The following COP1 variants were observed in gnomAD, a reference collection of about 807,000 sequenced individuals.
The protein encoded by COP1 is COP1 E3 ubiquitin ligase, also known as E3 ubiquitin-protein ligase COP1.
A neutral mutation model predicts 101.3 loss-of-function variants in COP1; 24 were observed. The observed-to-expected ratio is 0.24, with a 90% CI of 0.17 to 0.33. COP1 has a LOEUF of 0.33. COP1 is among the 10% of genes least tolerant of loss of function. The probability of loss-of-function intolerance (pLI) is 1.00; values close to 1 mark genes in which losing one functional copy is unlikely to be tolerated. For missense variants in COP1, 663 were observed against 906.2 expected (o/e 0.73, Z 3.45); for synonymous variants, 347 against 341.9 (o/e 1.01, Z -0.17).
chr1:176,121,271 C>T (rs1195120971), intron 8 of COP1, among the ~76,000 whole-genome samples: 1 of 151,758 alleles, frequency 6.6e-6, no homozygotes, highest in Non-Finnish European at 1.5e-5. Context: ...TAGTAAATCC[C>T]ATTTATTGAG....
intron 9 of COP1, among the ~76,000 whole-genome samples, chr1:176,111,895 T>C (rs775580490): frequency 1.5e-4 from 23 of 152,188 alleles, no homozygotes; most frequent in African/African-American, 5.3e-4. Flanking sequence ...GTCAGCTCCA[T>C]CTCAACACTA....
chr1:176,069,496 C>T (rs569433223), intron 11 of COP1, among the ~76,000 whole-genome samples: 1 of 152,274 alleles, frequency 6.6e-6, no homozygotes, highest in African/African-American at 2.4e-5. Flanking sequence ...ATCCTCCAAT[C>T]GAGTATTCCT....
intron 15 of COP1, among the ~76,000 whole-genome samples, chr1:176,021,265 G>C (rs1246328855): frequency 6.6e-6 from 1 of 152,040 alleles, no homozygotes; most frequent in African/African-American, 2.4e-5. Context: ...TTGGTTTTTA[G>C]AAATATAAAA....
At chr1:175,984,732 G>T (rs1408799469) in intron 18 of COP1, among the ~76,000 whole-genome samples, 1 of 152,232 alleles carries the variant, frequency 6.6e-6, no homozygotes, top group Admixed American at 6.5e-5. Flanking sequence ...AGGTCTCCAA[G>T]ACTACGGGAA....
intron 6 of COP1, among the ~76,000 whole-genome samples, chr1:176,148,116 A>G (rs1316052452): frequency 1.3e-5 from 2 of 152,210 alleles, no homozygotes; most frequent in East Asian, 3.8e-4. Flanking sequence ...TCTTAAATTT[A>G]TAACAGATGT....
intron 15 of COP1, among the ~76,000 whole-genome samples, chr1:175,999,518 A>G (rs1661088239): frequency 6.6e-6 from 1 of 151,972 alleles, no homozygotes; most frequent in African/African-American, 2.4e-5. Flanking sequence ...CTGTTGATGG[A>G]TACAAAGTTT....
intron 15 of COP1, among the ~76,000 whole-genome samples, chr1:176,012,586 T>C (rs1040827355): frequency 3.3e-5 from 5 of 152,240 alleles, no homozygotes; most frequent in African/African-American, 1.2e-4. Context: ...GGTCTTCATA[T>C]TCACTCACCA....
chr1:176,139,056 T>C lies in COP1; in HGVS notation c.832-2509A>G, dbSNP rs1347046618. The stretch of plus-strand genomic sequence containing the variant: ...TGACAAAAGTCTAATATCCAGAATC[T>C]ACAAGGAACGTAAATAAATGAAAAA... On this transcript the variant is annotated intron_variant, in intron 6 of 19. Transcript: ENST00000367669. Among the ~76,000 whole-genome samples, 5 of 151,986 alleles carry C rather than the reference T, an allele frequency of 3.3e-5. No homozygotes were observed. In the East Asian group the frequency reaches 9.7e-4, roughly 29 times the overall value.
At chr1:175,991,268 T>C (rs761301741) in intron 15 of COP1, among the ~76,000 whole-genome samples, 2 of 152,178 alleles carry the variant, frequency 1.3e-5, no homozygotes, top group Non-Finnish European at 1.5e-5. Flanking sequence ...ATTGTGCTCC[T>C]ATGCTACAAA....
At chr1:176,196,571 T>C (rs932638806) in intron 1 of COP1, among the ~76,000 whole-genome samples, 35 of 152,032 alleles carry the variant, frequency 2.3e-4, no homozygotes, top group African/African-American at 7.0e-4. Flanking sequence ...ATTAAAGAAA[T>C]TGAATTAGTA....
intron 11 of COP1, among the ~76,000 whole-genome samples, chr1:176,071,211 T>G (rs1473181573): frequency 6.6e-6 from 1 of 152,106 alleles, no homozygotes; most frequent in East Asian, 1.9e-4. Flanking sequence ...TAAAAATGTG[T>G]GGTACCTCCC....
At chr1:175,995,457 A>G (rs1659893258) in intron 15 of COP1, among the ~76,000 whole-genome samples, 1 of 152,210 alleles carries the variant, frequency 6.6e-6, no homozygotes, top group Non-Finnish European at 1.5e-5. Context: ...TGAATCCAGG[A>G]GCTGGTTTTT....
At chr1:175,971,051 T>C (rs1025421697) in intron 18 of COP1, among the ~76,000 whole-genome samples, 4 of 152,160 alleles carry the variant, frequency 2.6e-5, no homozygotes, top group South Asian at 2.1e-4. Flanking sequence ...CAAAGATATA[T>C]AGAAGACATT....
intron 8 of COP1, among the ~76,000 whole-genome samples, chr1:176,131,662 A>G (rs1688917962): frequency 6.6e-6 from 1 of 151,888 alleles, no homozygotes; most frequent in Admixed American, 6.6e-5. Flanking sequence ...AGATTAGTAA[A>G]ATTGCAACTA....
intron 11 of COP1, among the ~76,000 whole-genome samples, chr1:176,073,004 A>C (rs953588895): frequency 2.0e-5 from 3 of 152,202 alleles, no homozygotes; most frequent in Admixed American, 6.5e-5. Flanking sequence ...TAAATCCTTA[A>C]GTGAATAGAA....
At position 175,947,242 on chromosome 1, in the gene COP1, AG is replaced by A. The variant is rs1479319631; in HGVS notation, c.2134-4del. ...GCAGCAATCAGCACATTGGACTCCT[AG>A]AAAAGAACAAGAGCTTTTAAAGTAT... On this transcript the variant is annotated splice_region_variant and splice_polypyrimidine_tract_variant and intron_variant, in intron 18 of 19. Transcript: ENST00000367669. The A allele has an allele frequency of 1.2e-6, 2 of 1,604,076 alleles. No individual in the cohort carries two copies. The highest frequency in any genetic ancestry group is 1.7e-6 in the Non-Finnish European group (2 of 1,170,884).
intron 19 of COP1, among the ~76,000 whole-genome samples, chr1:175,945,864 C>T (rs16849436): frequency 0.022 from 3,378 of 152,258 alleles, 82 homozygotes; most frequent in Non-Finnish European, 0.026. Context: ...TCAGCTAAGG[C>T]TTGACTAATA....
intron 15 of COP1, among the ~76,000 whole-genome samples, chr1:175,991,585 G>A (rs2148765106): frequency 6.6e-6 from 1 of 152,232 alleles, no homozygotes; most frequent in African/African-American, 2.4e-5. Context: ...GTGATTTTCT[G>A]ACTTTATAAA....
At chr1:176,135,596 G>A (rs1403133166) in intron 7 of COP1, among the ~76,000 whole-genome samples, 1 of 151,958 alleles carries the variant, frequency 6.6e-6, no homozygotes, top group East Asian at 1.9e-4. Context: ...TGAAATATCA[G>A]CTTTGTTTAA....
Sources: allele counts gnomAD v4.1 joint callset (sites outside exome capture counted in the v4.1 genomes callset), GRCh38; gene constraint gnomAD v4.1.1; transcripts MANE v1.5; gene names NCBI Gene and HGNC (gene_info 2026-07-23, HGNC 2026-07-21).